The following PLXNC1 variants were observed in gnomAD, a reference collection of about 807,000 sequenced individuals.
PLXNC1 encodes the protein plexin-C1.
A neutral mutation model predicts 178.2 loss-of-function variants in PLXNC1; 75 were observed. That is an observed-to-expected ratio of 0.42 (90% CI 0.35 to 0.51). The LOEUF is 0.51. PLXNC1 is among the 20% of genes least tolerant of loss of function. The pLI is 0.02. For synonymous variants in PLXNC1, 790 were observed against 779.9 expected, an observed-to-expected ratio of 1.01 and a Z score of -0.22; for missense variants, 1,503 against 1,984.4, an observed-to-expected ratio of 0.76 and a Z score of 4.61.
intron 2 of PLXNC1, among the ~76,000 whole-genome samples, chr12:94,178,486 C>T (rs2135955944): frequency 6.6e-6 from 1 of 152,296 alleles, no homozygotes; most frequent in Middle Eastern, 3.4e-3. Flanking sequence ...CTTCCTGTTT[C>T]TCTTTCCCTA....
chr12:94,220,676 C>T (rs1963769385), intron 6 of PLXNC1, among the ~76,000 whole-genome samples: 1 of 152,190 alleles, frequency 6.6e-6, no homozygotes, highest in African/African-American at 2.4e-5. Context: ...AAGTAAGTAG[C>T]TCATTACAAT....
At chr12:94,192,981 TTATC>T (rs1469949607) in intron 4 of PLXNC1, among the ~76,000 whole-genome samples, 2 of 152,016 alleles carry the variant, frequency 1.3e-5, no homozygotes, top group Non-Finnish European at 2.9e-5. Flanking sequence ...GCACATAAAA[TTATC>T]TAACCCAAAC....
intron 4 of PLXNC1, among the ~76,000 whole-genome samples, chr12:94,187,422 C>A (rs528417675): frequency 2.0e-5 from 3 of 152,076 alleles, no homozygotes; most frequent in South Asian, 4.1e-4. Flanking sequence ...GGAAACAAAT[C>A]AAAAATACGG....
Position 94,265,166 on chromosome 12 carries a change from G to C in PLXNC1, c.3538G>C (p.Ala1180Pro). 2 of 1,614,156 alleles carry C rather than the reference G, an allele frequency of 1.2e-6. No homozygotes were observed. The highest frequency in any genetic ancestry group is 1.7e-6 in the Non-Finnish European group (2 of 1,179,998). The change falls in exon 21 of 31, where the codon GCC (alanine) becomes CCC (proline). Residue 1180 changes from alanine (A) to proline (P), a missense_variant. Transcript: ENST00000258526. Reference sequence around the variant, plus strand: ...TCCCGTGGATGTAATCACTTGCAAAGCCCTGTACACACTTAATGAAGACTG... The same window carrying C: ...TCCCGTGGATGTAATCACTTGCAAACCCCTGTACACACTTAATGAAGACTG... ...KGPVDVITCKALYTLNEDWLL... is the reference protein window; with the variant it reads ...KGPVDVITCKPLYTLNEDWLL...
chr12:94,284,280 C>G (rs141945908), intron 23 of PLXNC1, among the ~76,000 whole-genome samples: 6 of 152,174 alleles, frequency 3.9e-5, no homozygotes, highest in African/African-American at 1.4e-4. Context: ...AATCTAGTCC[C>G]CAGGCAAGAA....
chr12:94,160,465 G>A (rs775318642), intron 1 of PLXNC1, among the ~76,000 whole-genome samples: 30 of 152,060 alleles, frequency 2.0e-4, no homozygotes, highest in Non-Finnish European at 3.1e-4. Context: ...CTGTCTCCCC[G>A]CAACCTGACT....
chr12:94,250,633 A>C (rs929843015), intron 14 of PLXNC1, among the ~76,000 whole-genome samples: 8 of 152,194 alleles, frequency 5.3e-5, no homozygotes, highest in African/African-American at 1.9e-4. Flanking sequence ...AGTTTCACAA[A>C]ATATAACCCA....
intron 21 of PLXNC1, among the ~76,000 whole-genome samples, chr12:94,266,320 G>A (rs997853175): frequency 6.6e-6 from 1 of 152,222 alleles, no homozygotes; most frequent in Admixed American, 6.5e-5. Context: ...ACCATGCACA[G>A]CTGCCATCCG....
chr12:94,297,872 C>T (rs1968085483), intron 26 of PLXNC1, among the ~76,000 whole-genome samples: 1 of 152,168 alleles, frequency 6.6e-6, no homozygotes, highest in South Asian at 2.1e-4. Flanking sequence ...ATTCTGCTCA[C>T]ACATAAAAGT....
chr12:94,209,462 C>T, intron 4 of PLXNC1, 128 bp from the exon 5 acceptor site: 1 of 650,910 alleles, frequency 1.5e-6, no homozygotes, highest in Non-Finnish European at 2.8e-6. Flanking sequence ...AATCAATAAT[C>T]CACTGTACAA....
At chr12:94,187,192 G>GGAAA (rs1555196784) in intron 4 of PLXNC1, among the ~76,000 whole-genome samples, 3 of 148,586 alleles carry the variant, frequency 2.0e-5, no homozygotes, top group Non-Finnish European at 4.5e-5. Context: ...GAGAGAGAGA[G>GGAAA]AAAAAAAAAC....
intron 17 of PLXNC1, 71 bp downstream of exon 17, chr12:94,255,367 A>C (rs1964810955): frequency 1.9e-6 from 2 of 1,056,216 alleles, no homozygotes; most frequent in Admixed American, 1.7e-5. Context: ...TGCTGTTGTC[A>C]AAACGAGTGT....
rs1342983582 is a variant in PLXNC1 at position 94,304,035 on chromosome 12, T to C, written c.4586T>C (p.Val1529Ala). Residue 1529 changes from valine to alanine, a missense_variant, in exon 30 of 31, where the codon GTA becomes GCA. Coordinates refer to ENST00000258526, the MANE Select transcript of PLXNC1 (RefSeq NM_005761.3). ...TTGACAGAAATTTACAAATACATCG[T>C]AAAATATTTTGATGAGGTAAGATTT... is the stretch of plus-strand genomic sequence containing the variant. ...VALTEIYKYI[V>A]KYFDEILNKL... 5 of 1,553,186 alleles carry C rather than the reference T, an allele frequency of 3.2e-6. No homozygotes were observed. Among genetic ancestry groups the C allele is most frequent in the Middle Eastern group, 1.7e-4 (1 of 5,754 alleles).
chr12:94,288,489 G>C (rs1355285354), intron 23 of PLXNC1, among the ~76,000 whole-genome samples: 6 of 152,208 alleles, frequency 3.9e-5, no homozygotes, highest in Admixed American at 2.0e-4. Flanking sequence ...TGGCCTGGAG[G>C]TTAATTTCAA....
At chr12:94,176,930 A>C (rs1962070239) in intron 2 of PLXNC1, among the ~76,000 whole-genome samples, 1 of 151,698 alleles carries the variant, frequency 6.6e-6, no homozygotes, top group Non-Finnish European at 1.5e-5. Flanking sequence ...TTATAGCTAA[A>C]TAGTATTTCC....
chr12:94,219,807 A>ATTTATTTATTTATTTG (rs144447216), intron 5 of PLXNC1, among the ~76,000 whole-genome samples: 11,938 of 46,578 alleles, frequency 0.26, 536 homozygotes, highest in African/African-American at 0.39. Flanking sequence ...TTATATTTTT[A>ATTTATTTATTTATTTG]TTTATTTATT....
intron 5 of PLXNC1, 59 bp downstream of exon 5, chr12:94,209,763 C>T (rs1156878546): frequency 5.9e-6 from 6 of 1,021,288 alleles, no homozygotes; most frequent in Non-Finnish European, 9.2e-6. Flanking sequence ...ACAGCGGATG[C>T]TAAATTTCTT....
chr12:94,234,655 C>T (rs1964194080), intron 9 of PLXNC1, among the ~76,000 whole-genome samples: 1 of 152,110 alleles, frequency 6.6e-6, no homozygotes. Flanking sequence ...ACATAGAAAT[C>T]CTTGGACATA....
intron 19 of PLXNC1, 54 bp downstream of exon 19, chr12:94,259,788 G>T: frequency 6.6e-7 from 1 of 1,506,120 alleles, no homozygotes; most frequent in South Asian, 1.3e-5. Context: ...ATCAGGCCGG[G>T]CATGGTGGCT....
Sources: allele counts gnomAD v4.1 joint callset (sites outside exome capture counted in the v4.1 genomes callset), GRCh38; gene constraint gnomAD v4.1.1; transcripts MANE v1.5; gene names NCBI Gene and HGNC (gene_info 2026-07-23, HGNC 2026-07-21).